Variants in MYO3B observed in about 807,000 individuals in gnomAD.
MYO3B encodes the protein myosin IIIB.
A neutral mutation model predicts 174.6 loss-of-function variants in MYO3B; 156 were observed. The ratio of observed to expected loss-of-function variants is 0.89; its 90% CI spans 0.78 to 1.02. The LOEUF (loss-of-function observed/expected upper bound fraction) is 1.02. MYO3B is among the 50% of genes least tolerant of loss of function. MYO3B has a pLI of 0.00. For synonymous variants in MYO3B, 563 were observed against 569.1 expected (o/e 0.99, Z 0.15); for missense variants, 1,632 against 1,639.4 (o/e 1.00, Z 0.08).
chr2:170,458,272 C>G (rs1684027235), intron 23 of MYO3B, among the ~76,000 whole-genome samples: 1 of 152,126 alleles, frequency 6.6e-6, no homozygotes, highest in Non-Finnish European at 1.5e-5. Context: ...TTTTTCAGCT[C>G]CATTATAATC....
intron 1 of MYO3B, among the ~76,000 whole-genome samples, chr2:170,197,641 T>C (rs2092615230): frequency 6.6e-6 from 1 of 152,192 alleles, no homozygotes; most frequent in Non-Finnish European, 1.5e-5. Context: ...ATACTTGACT[T>C]CACTTTGCCA....
At chr2:170,451,637 A>G (rs1683600503) in intron 23 of MYO3B, among the ~76,000 whole-genome samples, 1 of 152,214 alleles carries the variant, frequency 6.6e-6, no homozygotes, top group Non-Finnish European at 1.5e-5. Context: ...TTAAGCCCTT[A>G]TTTTTACCCC....
chr2:170,338,994 G>A (rs753665818), intron 8 of MYO3B, among the ~76,000 whole-genome samples: 5 of 152,150 alleles, frequency 3.3e-5, no homozygotes, highest in African/African-American at 4.8e-5. Context: ...CAAATGCTGT[G>A]CATTATATTT....
intron 22 of MYO3B, among the ~76,000 whole-genome samples, chr2:170,416,818 G>T (rs377637253): frequency 3.4e-5 from 4 of 116,120 alleles, no homozygotes; most frequent in African/African-American, 1.0e-4. Context: ...TTTTTCTGTT[G>T]TTTTTTTTTT....
chr2:170,575,889 T>C (rs1692753606), intron 32 of MYO3B, among the ~76,000 whole-genome samples: 1 of 152,184 alleles, frequency 6.6e-6, no homozygotes, highest in Non-Finnish European at 1.5e-5. Context: ...TTTCTCCCAT[T>C]CGTATTGCCT....
chr2:170,185,804 G>A (rs1256411974), intron 1 of MYO3B, among the ~76,000 whole-genome samples: 1 of 152,012 alleles, frequency 6.6e-6, no homozygotes, highest in Non-Finnish European at 1.5e-5. Flanking sequence ...TTTCATGTGT[G>A]TCCTGTTCAA....
At chr2:170,482,177 A>G (rs1435326955) in intron 25 of MYO3B, among the ~76,000 whole-genome samples, 2 of 148,250 alleles carry the variant, frequency 1.3e-5, no homozygotes, top group Non-Finnish European at 1.5e-5. Flanking sequence ...TTTTTTTGAG[A>G]CAGGGTCTCA....
intron 29 of MYO3B, among the ~76,000 whole-genome samples, chr2:170,518,028 G>T (rs1688433744): frequency 6.6e-6 from 1 of 150,994 alleles, no homozygotes; most frequent in Admixed American, 6.6e-5. Flanking sequence ...AATAAAAATT[G>T]TATTAATGTC....
intron 7 of MYO3B, among the ~76,000 whole-genome samples, chr2:170,268,514 A>G (rs1173670010): frequency 2.0e-5 from 3 of 152,374 alleles, no homozygotes; most frequent in East Asian, 1.9e-4. Context: ...GCATAAGACT[A>G]TGTGCTTTTC....
chr2:170,335,331 T>A, intron 7 of MYO3B, 54 bp from the exon 8 acceptor site: 1 of 1,300,904 alleles, frequency 7.7e-7, no homozygotes, highest in Non-Finnish European at 1.1e-6. Context: ...AGTTGATATT[T>A]TGCCTTTAAT....
chr2:170,180,820 G>C (rs2092389667), intron 1 of MYO3B, among the ~76,000 whole-genome samples: 1 of 151,990 alleles, frequency 6.6e-6, no homozygotes, highest in Non-Finnish European at 1.5e-5. Flanking sequence ...AAAATGACTA[G>C]AAATGCAAAT....
At chr2:170,609,713 G>A (rs1695021836) in intron 32 of MYO3B, among the ~76,000 whole-genome samples, 1 of 152,202 alleles carries the variant, frequency 6.6e-6, no homozygotes, top group South Asian at 2.1e-4. Context: ...CTGGTAAGGT[G>A]GCCACTGCCA....
Position 170,255,530 on chromosome 2 carries a change from A to T in MYO3B, c.749+19394A>T, listed in dbSNP as rs527367989. Among the ~76,000 whole-genome samples the T allele has an allele frequency of 5.3e-5, 8 of 152,330 alleles. No individual in the cohort carries two copies. In the East Asian group the frequency reaches 9.6e-4, roughly 18 times the overall value. Reference sequence around the variant, plus strand: ...CCTGTGAAACTCAATACAGGAAATTAGCTACAACCAAGGAACCCATACAGA... The same window carrying T: ...CCTGTGAAACTCAATACAGGAAATTTGCTACAACCAAGGAACCCATACAGA... On this transcript the variant is annotated intron_variant, in intron 7 of 34. Transcript: ENST00000408978.
At chr2:170,559,781 C>T (rs932103289) in intron 32 of MYO3B, among the ~76,000 whole-genome samples, 2 of 152,100 alleles carry the variant, frequency 1.3e-5, no homozygotes, top group African/African-American at 4.8e-5. Flanking sequence ...GAGCACTGCC[C>T]ACCACCATCA....
intron 8 of MYO3B, among the ~76,000 whole-genome samples, chr2:170,338,752 G>C (rs114930638): frequency 0.017 from 2,544 of 152,118 alleles, 80 homozygotes; most frequent in African/African-American, 0.059. Flanking sequence ...ACAGGTGTGT[G>C]CCACCAGGAC....
At chr2:170,525,326 A>G (rs1283089537) in intron 30 of MYO3B, among the ~76,000 whole-genome samples, 4 of 152,196 alleles carry the variant, frequency 2.6e-5, no homozygotes, top group Admixed American at 2.0e-4. Flanking sequence ...CAAAATGGAA[A>G]TAGTCTTTTA....
chr2:170,231,892 A>G (rs1357623714), intron 6 of MYO3B, among the ~76,000 whole-genome samples: 1 of 152,202 alleles, frequency 6.6e-6, no homozygotes, highest in Non-Finnish European at 1.5e-5. Context: ...CGTATAGGTT[A>G]TTTATTTCCA....
At chr2:170,643,351 A>G (rs1351483618) in intron 32 of MYO3B, among the ~76,000 whole-genome samples, 1 of 152,232 alleles carries the variant, frequency 6.6e-6, no homozygotes, top group African/African-American at 2.4e-5. Context: ...AAGCTATTTC[A>G]TGGGAGTATC....
In MYO3B at chr2:170,542,965, A is replaced by G. The variant is rs371276447; in HGVS notation, c.3635A>G (p.Lys1212Arg). The G allele has an allele frequency of 1.1e-5, 17 of 1,608,630 alleles. No individual in the cohort carries two copies. Among genetic ancestry groups the G allele is most frequent in the Non-Finnish European group, 1.4e-5 (16 of 1,176,956 alleles). The change falls in exon 31 of 35, where the codon AAG becomes AGG. Residue 1212 changes from lysine to arginine, a missense_variant and splice_region_variant. Lys to Arg is a conservative substitution (Grantham distance 26). Transcript: ENST00000408978. The stretch of plus-strand genomic sequence containing the variant: ...GATATCTTCGCAGGACATGCAAACA[A>G]GGTAGCTGGATATCTTGATTCCAAA... ...GCDIFAGHAN[K>R]HSVSGTDLLS... is the part of the protein sequence containing the mutation.
Sources: gnomAD v4.1 joint callset for allele counts (sites outside exome capture counted in the v4.1 genomes callset) on GRCh38, gnomAD v4.1.1 for gene constraint, MANE v1.5 for transcripts, NCBI Gene and HGNC (gene_info 2026-07-23, HGNC 2026-07-21) for gene names.